COL16A1: variants seen among roughly 807,000 people sequenced by gnomAD.
The protein encoded by COL16A1 is collagen type XVI alpha 1 chain.
In COL16A1, 189 loss-of-function variants were observed where a neutral mutation model predicts 266.3. The ratio of observed to expected loss-of-function variants is 0.71; its 90% CI spans 0.63 to 0.80. COL16A1 has a LOEUF of 0.80. COL16A1 is among the 30% of genes least tolerant of loss of function. The pLI is 0.00. For synonymous variants in COL16A1, 740 were observed against 782.3 expected (o/e 0.95, Z 0.90); for missense variants, 1,928 against 2,122.4 (o/e 0.91, Z 1.80).
Position 31,652,874 on chromosome 1 carries a change from G to A in COL16A1, c.4613-21C>T, listed in dbSNP as rs1222919522. Reference sequence around the variant, plus strand: ...AGGACCTAGGGAGGGAAGGGCCACAGAGGGAAAATCAGAAGACCCAGATCA... The same window carrying A: ...AGGACCTAGGGAGGGAAGGGCCACAAAGGGAAAATCAGAAGACCCAGATCA... On this transcript the variant is annotated intron_variant, in intron 70 of 70. Coordinates refer to ENST00000373672, the MANE Select transcript of COL16A1 (RefSeq NM_001856.4). The surrounding 1 kb of genome is among the most constrained non-coding windows in gnomAD (Gnocchi z 4.8). 4.1e-6 allele frequency: 6 copies of A among 1,471,188 alleles called. No individual in the cohort carries two copies. The highest frequency in any genetic ancestry group is 5.4e-6 in the Non-Finnish European group (6 of 1,111,142). 91.1% of individuals were successfully genotyped at this position (1,471,188 alleles called of 1,614,324 possible).
intron 44 of COL16A1, among the ~76,000 whole-genome samples, chr1:31,674,736 C>A (rs1311522774): frequency 6.6e-6 from 1 of 152,178 alleles, no homozygotes; most frequent in East Asian, 1.9e-4. Flanking sequence ...CCAGCTGCTG[C>A]GGGCAGGCTT....
chr1:31,660,681 T>C (rs1346855051), intron 61 of COL16A1, 43 bp from the exon 62 acceptor site: 3 of 1,611,464 alleles, frequency 1.9e-6, no homozygotes, highest in Non-Finnish European at 2.5e-6. Context: ...TGAAACTGAC[T>C]TGCTTGCACC....
At chr1:31,665,792 A>G (rs1642080693) in intron 54 of COL16A1, 90 bp downstream of exon 54, 4 of 1,605,218 alleles carry the variant, frequency 2.5e-6, no homozygotes. Context: ...CAACCCAAGG[A>G]CAGGTAGGGT....
intron 54 of COL16A1, 82 bp from the exon 55 acceptor site, chr1:31,665,700 G>A (rs754406469): frequency 6.3e-7 from 1 of 1,593,374 alleles, no homozygotes; most frequent in African/African-American, 1.3e-5. Flanking sequence ...GTGACGGGGG[G>A]GGCACCCTCA....
Position 31,671,619 on chromosome 1 carries a change from G to C in COL16A1, c.3146C>G (p.Pro1049Arg), listed in dbSNP as rs1164980371. ...CAGGGCACCACTGATACTTACGATAGGGCCTGGAGGACCCGGGGAGCCCCT... is the reference window on the plus strand; with the variant it reads ...CAGGGCACCACTGATACTTACGATACGGCCTGGAGGACCCGGGGAGCCCCT... ...GMRGSPGPPGPIGPPGFPGAV... is the reference protein window; with the variant it reads ...GMRGSPGPPGRIGPPGFPGAV... The change falls in exon 48 of 71, where the codon CCT becomes CGT. Residue 1049 changes from proline (P) to arginine (R), a missense_variant. Physicochemically the swap from Pro to Arg is moderately radical, Grantham distance 103. Coordinates refer to ENST00000373672, the MANE Select transcript of COL16A1 (RefSeq NM_001856.4). 6.2e-7 allele frequency: 1 copy of C among 1,614,034 alleles called. No individual in the cohort carries two copies. The highest frequency in any genetic ancestry group is 8.5e-7 in the Non-Finnish European group (1 of 1,180,004).
intron 13 of COL16A1, 117 bp from the exon 14 acceptor site, chr1:31,692,925 G>C: frequency 9.2e-7 from 1 of 1,092,438 alleles, no homozygotes; most frequent in Non-Finnish European, 1.4e-6. Flanking sequence ...GAAAAGGGGG[G>C]CTTCTACACC....
At position 31,698,655 on chromosome 1, in the gene COL16A1, A is replaced by C. The variant is rs373759071; in HGVS notation, c.267-49T>G. ...CCCTGAGGCTCCAATGAGGACCCAA[A>C]TGCTGCCCACCCTGAGCCCTCAGGA... On this transcript the variant is annotated intron_variant, in intron 4 of 70. Transcript: ENST00000373672. This position sits in a 1 kb window ranked among gnomAD's most constrained non-coding sequence, Gnocchi z 4.1. 9.6e-5 allele frequency: 154 copies of C among 1,604,370 alleles called. No individual in the cohort carries two copies. The Middle Eastern group carries it at 1.7e-3, about 18-fold the overall frequency.
chr1:31,656,288 C>T lies in COL16A1; in HGVS notation c.4101+112G>A. Reference sequence around the variant, plus strand: ...CTGCTCCAAGTTCTGCATTTTTGCCCCCTGCCCACTGGCCTTCCTGTGTCT... The same window carrying T: ...CTGCTCCAAGTTCTGCATTTTTGCCTCCTGCCCACTGGCCTTCCTGTGTCT... On this transcript the variant is annotated intron_variant, in intron 66 of 70. Coordinates refer to ENST00000373672, the MANE Select transcript of COL16A1 (RefSeq NM_001856.4). This position sits in a 1 kb window ranked among gnomAD's most constrained non-coding sequence, Gnocchi z 4.2. 1 of 1,528,386 alleles carries T rather than the reference C, an allele frequency of 6.5e-7. No individual in the cohort carries two copies. The highest frequency in any genetic ancestry group is 2.4e-5 in the East Asian group (1 of 41,012). The allele number at this position is 1,528,386 out of a possible 1,614,324, so 94.7% of individuals were successfully genotyped here. A position where few individuals can be genotyped will look rare whatever the true frequency, so the allele number is the denominator to read the frequency against.
In COL16A1 at chr1:31,693,145, C is replaced by T. The variant is rs373463698; in HGVS notation, c.1018G>A (p.Gly340Ser). ...LAPSGPKGGKGERGLPGPPGS... is the reference protein window; with the variant it reads ...LAPSGPKGGKSERGLPGPPGS... ...GGTGGACCAGGCAGGCCCCGCTCAC[C>T]TTTCCCTCCCTGAGAGTGAAACCAG... Residue 340 changes from glycine to serine, a missense_variant, in exon 13 of 71, where the codon GGT (glycine) becomes AGT (serine). By Grantham distance (56) the Gly-to-Ser change is moderately conservative. Around this residue, in one of 2 missense-constraint regions of COL16A1, gnomAD observed 1,552 missense variants for 1,637.2 expected, o/e 0.95. Transcript: ENST00000373672. The T allele has an allele frequency of 6.2e-7, 1 of 1,609,062 alleles. No individual in the cohort carries two copies.
intron 14 of COL16A1, 50 bp from the exon 15 acceptor site, chr1:31,692,692 C>A: frequency 3.1e-6 from 5 of 1,613,482 alleles, no homozygotes; most frequent in Non-Finnish European, 4.2e-6. Flanking sequence ...ACCTGATGGG[C>A]TGCCAAGCGC....
intron 52 of COL16A1, chr1:31,666,456 C>T: frequency 3.5e-6 from 1 of 287,270 alleles, no homozygotes; most frequent in Non-Finnish European, 6.5e-6. Flanking sequence ...CTGGCACCAG[C>T]CACCCCTTCC....
rs548357194 is a variant in COL16A1 at position 31,698,297 on chromosome 1, C to T, written c.391-125G>A. On this transcript the variant is annotated intron_variant, in intron 5 of 70. Transcript: ENST00000373672. This position sits in a 1 kb window ranked among gnomAD's most constrained non-coding sequence, Gnocchi z 4.1. ...CTGAGGCCCAGAAAGAGAAGAAAGC[C>T]GGCTGGGGTCAAGGAGCTATACATC... 1,382 of 1,538,712 alleles carry T rather than the reference C, an allele frequency of 9.0e-4. 20 individuals are homozygous for T. In the Admixed American group the frequency reaches 0.023, roughly 26 times the overall value.
In COL16A1 at chr1:31,654,818, C is replaced by G; in HGVS notation, c.4331G>C (p.Arg1444Thr). Reference protein sequence around the residue: ...VNYDEIKRFIRQEIIKMFDER... With the variant: ...VNYDEIKRFITQEIIKMFDER... ...ATCAAACATTTTAATGATCTCTTGT[C>G]TGATGAACCTCTTGATTTCATCATA... is the stretch of plus-strand genomic sequence containing the variant. The change falls in exon 68 of 71, where the codon AGA (arginine) becomes ACA (threonine). Residue 1444 changes from arginine to threonine, a missense_variant. Transcript: ENST00000373672. 9 of 1,614,084 alleles carry G rather than the reference C, an allele frequency of 5.6e-6. No individual in the cohort carries two copies. The highest frequency in any genetic ancestry group is 7.6e-6 in the Non-Finnish European group (9 of 1,180,034).
rs370604599 is a variant in COL16A1 at position 31,661,133 on chromosome 1, G to C, written c.3772-14C>G. ...GCCACAGTCACCCTAGAAGAGAGAG[G>C]AGCAGCTGGAGCTTACCAGACCTTC... On this transcript the variant is annotated splice_polypyrimidine_tract_variant and intron_variant, in intron 60 of 70. Transcript: ENST00000373672. The C allele has an allele frequency of 5.8e-6, 9 of 1,559,004 alleles. No individual in the cohort carries two copies. The African/African-American group carries it at 1.1e-4, about 19-fold the overall frequency.
chr1:31,693,838 C>T (rs1375167935), intron 12 of COL16A1, among the ~76,000 whole-genome samples: 1 of 152,178 alleles, frequency 6.6e-6, no homozygotes, highest in Non-Finnish European at 1.5e-5. Flanking sequence ...GCCTCAGTTT[C>T]CCCTGAAGTA....
intron 11 of COL16A1, 88 bp from the exon 12 acceptor site, chr1:31,694,258 C>T (rs1299334127): frequency 8.8e-7 from 1 of 1,132,428 alleles, no homozygotes; most frequent in Non-Finnish European, 1.3e-6. Flanking sequence ...GACAGGGTCA[C>T]ACAGCATGGT....
In COL16A1 at chr1:31,652,922, G is replaced by T. The variant is rs540557703; in HGVS notation, c.4613-69C>A. 3 of 1,368,096 alleles carry T rather than the reference G, an allele frequency of 2.2e-6. No individual in the cohort carries two copies. The highest frequency in any genetic ancestry group is 2.9e-6 in the Non-Finnish European group (3 of 1,042,410). 84.7% of individuals were successfully genotyped at this position (1,368,096 alleles called of 1,614,324 possible). A position where few individuals can be genotyped will look rare whatever the true frequency, so the allele number is the denominator to read the frequency against. On this transcript the variant is annotated intron_variant, in intron 70 of 70. Transcript: ENST00000373672. The surrounding 1 kb of genome is among the most constrained non-coding windows in gnomAD (Gnocchi z 4.8). Reference sequence around the variant, plus strand: ...TCATAAGGGAAAAGAAGCCATAATGGCATCAAATAATACCTTACATTTGAT... The same window carrying T: ...TCATAAGGGAAAAGAAGCCATAATGTCATCAAATAATACCTTACATTTGAT...
chr1:31,665,770 T>A (rs1428432146), intron 54 of COL16A1, 112 bp downstream of exon 54: 1 of 1,600,436 alleles, frequency 6.2e-7, no homozygotes, highest in East Asian at 2.2e-5. Context: ...GCTCTGGGCA[T>A]GAGGTAGGTC....
At chr1:31,690,081 A>G (rs1644190117) in intron 22 of COL16A1, 2 of 622,010 alleles carry the variant, frequency 3.2e-6, no homozygotes, top group Non-Finnish European at 5.6e-6. Flanking sequence ...GCCTTAAAAC[A>G]TGACTGTGCC....
Sources: gnomAD v4.1 joint callset for allele counts (sites outside exome capture counted in the v4.1 genomes callset) on GRCh38, gnomAD v4.1.1 for gene constraint, gnomAD v4.1.1 regional missense constraint, Gnocchi (gnomAD v3.1) non-coding constraint, MANE v1.5 for transcripts, NCBI Gene and HGNC (gene_info 2026-07-23, HGNC 2026-07-21) for gene names.